Variants in MSRA observed in about 807,000 individuals in gnomAD.
MSRA encodes the protein mitochondrial peptide methionine sulfoxide reductase.
A neutral mutation model predicts 31.3 loss-of-function variants in MSRA; 54 were observed. The observed-to-expected ratio is 1.73, with a 90% CI of 1.39 to 2.17. The LOEUF (loss-of-function observed/expected upper bound fraction) is 2.17, where lower values mean the gene tolerates loss of function less well. MSRA is among the 30% of genes most tolerant of loss of function. The pLI, the probability that MSRA is intolerant of heterozygous loss-of-function variation, is 0.00. For missense variants in MSRA, 507 were observed against 300.9 expected (o/e 1.69, Z -5.07); for synonymous variants, 169 against 116.5 (o/e 1.45, Z -2.90).
chr8:10,334,086 G>GA (rs1443093246), intron 5 of MSRA, among the ~76,000 whole-genome samples: 1 of 151,894 alleles, frequency 6.6e-6, no homozygotes, highest in Non-Finnish European at 1.5e-5. Flanking sequence ...AAGCAGGGAG[G>GA]AAAAAAGGCC....
At chr8:10,191,380 C>A (rs1177197399) in intron 1 of MSRA, among the ~76,000 whole-genome samples, 1 of 152,088 alleles carries the variant, frequency 6.6e-6, no homozygotes, top group Non-Finnish European at 1.5e-5. Flanking sequence ...ATTTAGCCTC[C>A]CTGGGAATTT....
intron 2 of MSRA, among the ~76,000 whole-genome samples, chr8:10,233,888 C>A (rs971886826): frequency 6.6e-6 from 1 of 152,042 alleles, no homozygotes; most frequent in Non-Finnish European, 1.5e-5. Context: ...TTATAATAAA[C>A]CCCAGAATAT....
At chr8:10,066,765 C>A (rs373815735) in intron 1 of MSRA, among the ~76,000 whole-genome samples, 1 of 152,096 alleles carries the variant, frequency 6.6e-6, no homozygotes, top group South Asian at 2.1e-4. Flanking sequence ...GAACTCCTGA[C>A]CTCAGGTGAT....
At chr8:10,313,232 G>C (rs964545723) in intron 4 of MSRA, among the ~76,000 whole-genome samples, 2 of 152,276 alleles carry the variant, frequency 1.3e-5, no homozygotes, top group Non-Finnish European at 2.9e-5. Flanking sequence ...TATTCAGTCT[G>C]CCTGCTGAAT....
chr8:10,273,683 T>C (rs1563295517), intron 3 of MSRA, among the ~76,000 whole-genome samples: 1 of 152,202 alleles, frequency 6.6e-6, no homozygotes, highest in East Asian at 1.9e-4. Context: ...TTTCAGTAAA[T>C]CAACACTGTT....
At chr8:10,062,203 T>C (rs1470823180) in intron 1 of MSRA, among the ~76,000 whole-genome samples, 1 of 152,182 alleles carries the variant, frequency 6.6e-6, no homozygotes, top group South Asian at 2.1e-4. Context: ...CGTTCCTCCT[T>C]GGCAGATGGC....
intron 5 of MSRA, among the ~76,000 whole-genome samples, chr8:10,340,035 C>T (rs1803323448): frequency 6.6e-6 from 1 of 152,196 alleles, no homozygotes; most frequent in Non-Finnish European, 1.5e-5. Context: ...GAGCTATCAG[C>T]ACTGCCATTT....
At chr8:10,392,530 G>A (rs1230833730) in intron 5 of MSRA, among the ~76,000 whole-genome samples, 1 of 152,082 alleles carries the variant, frequency 6.6e-6, no homozygotes, top group Non-Finnish European at 1.5e-5. Flanking sequence ...TGTCTCTGGG[G>A]ATCTGGCCGA....
intron 5 of MSRA, among the ~76,000 whole-genome samples, chr8:10,388,489 A>C (rs1806531373): frequency 6.6e-6 from 1 of 152,184 alleles, no homozygotes; most frequent in African/African-American, 2.4e-5. Context: ...TCCTCATGCC[A>C]AAGAGGCATA....
intron 1 of MSRA, among the ~76,000 whole-genome samples, chr8:10,201,066 A>G (rs1431147023): frequency 6.6e-6 from 1 of 152,034 alleles, no homozygotes; most frequent in Non-Finnish European, 1.5e-5. Flanking sequence ...TGACCTGGAG[A>G]AGGAGCCACA....
At chr8:10,209,262 G>T (rs1809274850) in intron 2 of MSRA, among the ~76,000 whole-genome samples, 1 of 152,196 alleles carries the variant, frequency 6.6e-6, no homozygotes, top group South Asian at 2.1e-4. Flanking sequence ...AATGTTCAAA[G>T]GGGTCTTTTG....
intron 1 of MSRA, among the ~76,000 whole-genome samples, chr8:10,199,889 C>A (rs1357820049): frequency 2.6e-5 from 4 of 152,162 alleles, no homozygotes; most frequent in East Asian, 3.9e-4. Context: ...ACTCCTGGCA[C>A]TTATCAATGT....
intron 5 of MSRA, among the ~76,000 whole-genome samples, chr8:10,334,079 C>T (rs1359545118): frequency 1.3e-5 from 2 of 152,076 alleles, no homozygotes; most frequent in African/African-American, 2.4e-5. Context: ...TGGCTGCAAG[C>T]AGGGAGGAAA....
At position 10,331,249 on chromosome 8, in the gene MSRA, T is replaced by G. The variant is rs543159081; in HGVS notation, c.543+11260T>G. On this transcript the variant is annotated intron_variant, in intron 5 of 5. Transcript: ENST00000317173. The stretch of plus-strand genomic sequence containing the variant: ...CCCGAGCTGACAAGAGAGCCCTGTT[T>G]TGTGTGCTGCACTCCATGGAGCGGG... 4.6e-5 allele frequency among the ~76,000 whole-genome samples: 7 copies of G among 152,312 alleles called. No individual in the cohort carries two copies. The South Asian group carries it at 1.0e-3, about 23-fold the overall frequency.
chr8:10,138,337 G>T (rs955597797), intron 1 of MSRA, among the ~76,000 whole-genome samples: 2 of 152,134 alleles, frequency 1.3e-5, no homozygotes, highest in Non-Finnish European at 2.9e-5. Flanking sequence ...TGGGAGCCGC[G>T]GGACACGGTG....
At chr8:10,106,435 C>T (rs1260268664) in intron 1 of MSRA, among the ~76,000 whole-genome samples, 14 of 152,184 alleles carry the variant, frequency 9.2e-5, no homozygotes. Flanking sequence ...CACCATTCCT[C>T]TACTGTTTAA....
At chr8:10,334,028 G>C (rs764258023) in intron 5 of MSRA, among the ~76,000 whole-genome samples, 2 of 152,064 alleles carry the variant, frequency 1.3e-5, no homozygotes, top group African/African-American at 2.4e-5. Context: ...CCCGCCATTC[G>C]TGTGGTCTGA....
intron 5 of MSRA, among the ~76,000 whole-genome samples, chr8:10,358,996 G>A (rs377218977): frequency 4.9e-4 from 75 of 152,310 alleles, no homozygotes; most frequent in African/African-American, 1.7e-3. Context: ...AAGTGAAACA[G>A]TTTGATCCCA....
chr8:10,361,875 T>C (rs1472445777), intron 5 of MSRA, among the ~76,000 whole-genome samples: 2 of 152,220 alleles, frequency 1.3e-5, no homozygotes, highest in African/African-American at 2.4e-5. Flanking sequence ...TTTAAAGTTT[T>C]GTGGGTTTTC....
Sources: allele counts gnomAD v4.1 joint callset (sites outside exome capture counted in the v4.1 genomes callset), GRCh38; gene constraint gnomAD v4.1.1; transcripts MANE v1.5; gene names NCBI Gene and HGNC (gene_info 2026-07-23, HGNC 2026-07-21).